Variants in COMMD1 observed in about 807,000 individuals in gnomAD.
The protein encoded by COMMD1 is COMM domain-containing protein 1.
COMMD1 carries 10 observed loss-of-function variants against 17.2 expected under a neutral mutation model. The observed-to-expected ratio is 0.58, with a 90% CI of 0.36 to 0.99. The LOEUF (loss-of-function observed/expected upper bound fraction) is 0.99, where lower values mean the gene tolerates loss of function less well. COMMD1 is among the 50% of genes least tolerant of loss of function. The pLI is 0.01. For synonymous variants in COMMD1, 97 were observed against 91.6 expected (o/e 1.06, Z -0.34); for missense variants, 270 against 231.8 (o/e 1.17, Z -1.07).
intron 1 of COMMD1, among the ~76,000 whole-genome samples, chr2:61,963,832 A>T (rs1028529463): frequency 2.0e-5 from 3 of 152,214 alleles, no homozygotes; most frequent in African/African-American, 4.8e-5. Context: ...TGCCGTCAGC[A>T]TGTAGAATTG....
chr2:62,014,734 G>A (rs1030266794), intron 2 of COMMD1, among the ~76,000 whole-genome samples: 3 of 150,948 alleles, frequency 2.0e-5, no homozygotes, highest in Admixed American at 1.3e-4. Flanking sequence ...GCTAATTTTT[G>A]TATTTTTAGT....
chr2:62,054,170 C>T (rs1402633513), intron 2 of COMMD1, among the ~76,000 whole-genome samples: 2 of 152,154 alleles, frequency 1.3e-5, no homozygotes, highest in East Asian at 1.9e-4. Flanking sequence ...TTACCCCAGT[C>T]AGAGTGCCTA....
chr2:62,023,165 G>T (rs1669656501), intron 2 of COMMD1, among the ~76,000 whole-genome samples: 1 of 151,754 alleles, frequency 6.6e-6, no homozygotes, highest in Non-Finnish European at 1.5e-5. Context: ...GGTGGAGGTT[G>T]CAATGAGCTG....
At chr2:61,995,950 AT>A (rs1313972787) in intron 1 of COMMD1, among the ~76,000 whole-genome samples, 1 of 152,178 alleles carries the variant, frequency 6.6e-6, no homozygotes, top group African/African-American at 2.4e-5. Context: ...AGTCACATGA[AT>A]TTTTTTGTTT....
intron 1 of COMMD1, among the ~76,000 whole-genome samples, chr2:61,960,134 T>TGTAC (rs397984777): frequency 6.6e-6 from 1 of 151,908 alleles, no homozygotes; most frequent in Non-Finnish European, 1.5e-5. Flanking sequence ...TGTGTGTGTG[T>TGTAC]ACACACACAC....
Position 62,065,218 on chromosome 2 carries a change from G to A in COMMD1, c.462+64236G>A, listed in dbSNP as rs1478826487. Among the ~76,000 whole-genome samples the A allele has an allele frequency of 2.0e-5, 3 of 151,784 alleles. 1 individual carries two copies. Among genetic ancestry groups the A allele is most frequent in the African/African-American group, 4.8e-5 (2 of 41,328 alleles). ...GATATATTTTCCTGGGTAAGTAGGC[G>A]ATGAAGCTTGAAATTCTATCAATAG... is the stretch of plus-strand genomic sequence containing the variant. On this transcript the variant is annotated intron_variant, in intron 2 of 2. Coordinates refer to ENST00000311832, the MANE Select transcript of COMMD1 (RefSeq NM_152516.4).
intron 2 of COMMD1, among the ~76,000 whole-genome samples, chr2:62,010,297 CTTT>C (rs927522277): frequency 6.7e-6 from 1 of 149,424 alleles, no homozygotes; most frequent in Non-Finnish European, 1.5e-5. Flanking sequence ...CCTTCTAGCT[CTTT>C]TTTTTTTCTT....
upstream of COMMD1, among the ~76,000 whole-genome samples, chr2:61,902,925 G>A (rs1669688774): frequency 6.6e-6 from 1 of 152,126 alleles, no homozygotes; most frequent in Non-Finnish European, 1.5e-5. Flanking sequence ...CAGCCTTTCT[G>A]GTGGGTAATT....
chr2:62,119,557 C>T (rs530358976), intron 2 of COMMD1, among the ~76,000 whole-genome samples: 15 of 152,328 alleles, frequency 9.8e-5, no homozygotes, highest in Admixed American at 9.8e-4. Context: ...GTCATTTCAA[C>T]ATTTGCCCTC....
intron 2 of COMMD1, among the ~76,000 whole-genome samples, chr2:62,041,465 G>T (rs1339102326): frequency 6.6e-6 from 1 of 152,168 alleles, no homozygotes; most frequent in African/African-American, 2.4e-5. Flanking sequence ...GAGTACAGTG[G>T]TGCTATCATA....
chr2:61,888,555 C>T (rs1669318768), upstream of COMMD1: 3 of 1,588,414 alleles, frequency 1.9e-6, no homozygotes, highest in South Asian at 2.2e-5. Flanking sequence ...CGGATGGACC[C>T]GGATTCTGGC....
upstream of COMMD1, among the ~76,000 whole-genome samples, chr2:61,902,845 A>G (rs925159251): frequency 2.0e-5 from 3 of 152,162 alleles, no homozygotes; most frequent in African/African-American, 7.2e-5. Context: ...ACTCTGTCTC[A>G]AAAATTAAAT....
chr2:62,049,750 C>T (rs1345607333), intron 2 of COMMD1, among the ~76,000 whole-genome samples: 1 of 152,110 alleles, frequency 6.6e-6, no homozygotes, highest in Non-Finnish European at 1.5e-5. Flanking sequence ...AGGTTTCAGA[C>T]TTTATTAAAA....
chr2:61,935,688 G>A (rs1312317259), intron 1 of COMMD1, among the ~76,000 whole-genome samples: 1 of 151,826 alleles, frequency 6.6e-6, no homozygotes, highest in Non-Finnish European at 1.5e-5. Flanking sequence ...ACTTAGTGCC[G>A]TGGTTCCAGT....
chr2:62,054,739 C>A (rs2103925383), intron 2 of COMMD1, among the ~76,000 whole-genome samples: 1 of 152,192 alleles, frequency 6.6e-6, no homozygotes, highest in East Asian at 1.9e-4. Context: ...GGAGGATGAT[C>A]TGAAATTGGT....
chr2:61,890,950 A>G (rs1391652663), intron 1 of COMMD1, among the ~76,000 whole-genome samples: 1 of 152,092 alleles, frequency 6.6e-6, no homozygotes, highest in Non-Finnish European at 1.5e-5. Flanking sequence ...TTCTATGGTT[A>G]TTTGTTTAGA....
intron 2 of COMMD1, among the ~76,000 whole-genome samples, chr2:62,109,685 G>C (rs1470510571): frequency 2.0e-5 from 3 of 152,088 alleles, no homozygotes; most frequent in Admixed American, 6.5e-5. Context: ...TTATACGTCT[G>C]GGTCTTCATG....
chr2:61,986,262 A>C (rs1178075712), intron 1 of COMMD1, among the ~76,000 whole-genome samples: 2 of 151,840 alleles, frequency 1.3e-5, no homozygotes, highest in Non-Finnish European at 2.9e-5. Context: ...TTGGAGCTCC[A>C]TTGCATGTTA....
chr2:62,095,764 T>TA (rs1049964079), intron 2 of COMMD1, among the ~76,000 whole-genome samples: 3 of 120,822 alleles, frequency 2.5e-5, no homozygotes, highest in South Asian at 2.5e-4. Flanking sequence ...TTCCTGGAAT[T>TA]AAAAAAAATG....
Sources: allele counts gnomAD v4.1 joint callset (sites outside exome capture counted in the v4.1 genomes callset), GRCh38; gene constraint gnomAD v4.1.1; transcripts MANE v1.5; gene names NCBI Gene and HGNC (gene_info 2026-07-23, HGNC 2026-07-21).